The following LINS1 variants were observed in gnomAD, a reference collection of about 807,000 sequenced individuals.
LINS1 encodes lines homolog 1.
Under a neutral mutation model 41.6 loss-of-function variants are expected in LINS1, and 27 were observed. The observed-to-expected ratio is 0.65, with a 90% CI of 0.48 to 0.89. The LOEUF is 0.89. LINS1 is among the 40% of genes least tolerant of loss of function. The probability of loss-of-function intolerance (pLI) is 0.00; values close to 1 mark genes in which losing one functional copy is unlikely to be tolerated. For missense variants in LINS1, 955 were observed against 884.1 expected, an observed-to-expected ratio of 1.08 and a Z score of -1.02; for synonymous variants, 336 against 312.9, an observed-to-expected ratio of 1.07 and a Z score of -0.78.
At chr15:100,585,353 T>C (rs940251640) in intron 1 of LINS1, among the ~76,000 whole-genome samples, 1 of 152,130 alleles carries the variant, frequency 6.6e-6, no homozygotes, top group Non-Finnish European at 1.5e-5. Context: ...CCAATATTGT[T>C]TGGAATCTGG....
chr15:100,570,033 A>G lies in LINS1; in HGVS notation c.1479T>C (p.Cys493=), dbSNP rs144513217. The G allele has an allele frequency of 3.3e-4, 510 of 1,557,222 alleles. 3 individuals carry two copies. In the Middle Eastern group the frequency reaches 3.4e-3, roughly 11 times the overall value. ...HTHENGYNPH[C]IFLFFLKNIG... is the part of the protein sequence containing the mutation. ...TATTTTTCAAGAAGAACAAGAAAATACAGTGAGGATTATAGCCATTTTCAT... is the reference window on the plus strand; with the variant it reads ...TATTTTTCAAGAAGAACAAGAAAATGCAGTGAGGATTATAGCCATTTTCAT... The change falls in exon 7 of 7, where the codon TGT becomes TGC. Residue 493 remains cysteine (C), a synonymous_variant. Coordinates refer to ENST00000314742, the MANE Select transcript of LINS1 (RefSeq NM_001040616.3).
intron 6 of LINS1, among the ~76,000 whole-genome samples, chr15:100,571,275 A>G (rs2037809082): frequency 6.6e-6 from 1 of 152,206 alleles, no homozygotes; most frequent in South Asian, 2.1e-4. Context: ...TGAGGGTTTT[A>G]ATAAAGCAGA....
intron 1 of LINS1, among the ~76,000 whole-genome samples, chr15:100,590,443 C>T (rs2038984330): frequency 6.6e-6 from 1 of 152,040 alleles, no homozygotes; most frequent in African/African-American, 2.4e-5. Context: ...ACCCATATCC[C>T]AAGTTAAAGA....
intron 1 of LINS1, among the ~76,000 whole-genome samples, chr15:100,600,040 TGGGCGACA>T (rs1271853813): frequency 6.6e-6 from 1 of 152,176 alleles, no homozygotes; most frequent in African/African-American, 2.4e-5. Flanking sequence ...TACTCCAGCC[TGGGCGACA>T]GAGGGAGACT....
intron 4 of LINS1, among the ~76,000 whole-genome samples, chr15:100,574,665 G>A (rs1408920083): frequency 6.6e-6 from 1 of 152,178 alleles, no homozygotes; most frequent in Admixed American, 6.5e-5. Flanking sequence ...CCAAGATCAT[G>A]CCATTGCACT....
chr15:100,597,189 C>G (rs546333490), intron 1 of LINS1, among the ~76,000 whole-genome samples: 50 of 152,118 alleles, frequency 3.3e-4, no homozygotes, highest in African/African-American at 1.2e-3. Context: ...TGCAGAGAAG[C>G]GAAGAACCTG....
At chr15:100,582,403 T>C (rs1199355102) in intron 1 of LINS1, among the ~76,000 whole-genome samples, 1 of 134,290 alleles carries the variant, frequency 7.4e-6, no homozygotes, top group Non-Finnish European at 1.6e-5. Context: ...CCATCTACAC[T>C]ATGGCCCACT....
chr15:100,600,551 C>CAAAAAAAAAAAA lies in LINS1; in HGVS notation c.-104+1558_-104+1569dup, dbSNP rs56911211. Among the ~76,000 whole-genome samples the CAAAAAAAAAAAA allele has an allele frequency of 5.5e-3, 440 of 79,632 alleles. 100 individuals carry two copies. The highest frequency in any genetic ancestry group is 8.9e-3 in the African/African-American group (134 of 15,000). The allele number at this position is 79,632 out of a possible 152,430, so 52.2% of individuals were successfully genotyped here. On this transcript the variant is annotated intron_variant, in intron 1 of 6. Coordinates refer to ENST00000314742, the MANE Select transcript of LINS1 (RefSeq NM_001040616.3). Reference sequence around the variant, plus strand: ...TTTACATTGGAGTCCTGCTGTTAAGCAAAAAAAAAAAAAAAAAAAACAGGG... The same window carrying CAAAAAAAAAAAA: ...TTTACATTGGAGTCCTGCTGTTAAGCAAAAAAAAAAAAAAAAAAAAAAAAAAAAAAAACAGGG...
intron 1 of LINS1, among the ~76,000 whole-genome samples, chr15:100,584,974 A>G (rs1314087727): frequency 5.9e-5 from 9 of 152,252 alleles, no homozygotes; most frequent in Admixed American, 6.5e-5. Flanking sequence ...GCTAAGGACA[A>G]AAGAAGCCCA....
intron 1 of LINS1, among the ~76,000 whole-genome samples, chr15:100,588,882 C>T (rs981327348): frequency 1.3e-5 from 2 of 152,146 alleles, no homozygotes; most frequent in Admixed American, 6.5e-5. Flanking sequence ...AGAATTTATG[C>T]AAGAAATGTT....
intron 1 of LINS1, among the ~76,000 whole-genome samples, chr15:100,583,051 C>G (rs981113244): frequency 1.1e-4 from 17 of 151,996 alleles, no homozygotes; most frequent in African/African-American, 4.1e-4. Flanking sequence ...CCAGCCTAGT[C>G]TTGGTCTTAC....
intron 1 of LINS1, among the ~76,000 whole-genome samples, chr15:100,592,937 A>G (rs1160830092): frequency 6.6e-6 from 1 of 152,232 alleles, no homozygotes; most frequent in African/African-American, 2.4e-5. Context: ...TGAAAACTGT[A>G]GTTTGTATGT....
chr15:100,601,189 G>T (rs1451203876), intron 1 of LINS1, among the ~76,000 whole-genome samples: 1 of 152,116 alleles, frequency 6.6e-6, no homozygotes, highest in African/African-American at 2.4e-5. Context: ...TTTCCTATCT[G>T]TCTTAGTCCG....
In LINS1 at chr15:100,569,362, T is replaced by G; in HGVS notation, c.2150A>C (p.Gln717Pro). ...GIFYRIVKCF[Q>P]ELQDAICRLQ... ...ACGGCAGATGGCATCTTGTAGTTCC[T>G]GGAAGCATTTTACTATTCTGTAAAA... is the stretch of plus-strand genomic sequence containing the variant. Residue 717 changes from glutamine (Q) to proline (P), a missense_variant, in exon 7 of 7, where the codon CAG becomes CCG. Transcript: ENST00000314742. The G allele has an allele frequency of 6.2e-7, 1 of 1,614,202 alleles. No individual in the cohort carries two copies. The highest frequency in any genetic ancestry group is 8.5e-7 in the Non-Finnish European group (1 of 1,180,038).
chr15:100,576,961 G>A (rs927746036), intron 3 of LINS1, among the ~76,000 whole-genome samples: 1 of 152,150 alleles, frequency 6.6e-6, no homozygotes, highest in South Asian at 2.1e-4. Context: ...AAAGGCCTTT[G>A]ACAAAATTCA....
At chr15:100,600,790 A>C (rs970004936) in intron 1 of LINS1, among the ~76,000 whole-genome samples, 1 of 152,040 alleles carries the variant, frequency 6.6e-6, no homozygotes, top group Non-Finnish European at 1.5e-5. Context: ...CTGCACTTCT[A>C]CTCTGGACAA....
At chr15:100,582,001 A>G (rs1489633795) in intron 1 of LINS1, among the ~76,000 whole-genome samples, 1 of 152,244 alleles carries the variant, frequency 6.6e-6, no homozygotes, top group African/African-American at 2.4e-5. Context: ...CTTTAACAAA[A>G]TTACAGACTT....
intron 3 of LINS1, among the ~76,000 whole-genome samples, chr15:100,578,235 A>G (rs78970375): frequency 0.85 from 128,844 of 151,446 alleles, 55,623 homozygotes; most frequent in Non-Finnish European, 0.91. Flanking sequence ...GAGTGAACAG[A>G]CAACCTACAA....
chr15:100,570,244 A>G (rs2037749917), intron 6 of LINS1, 127 bp from the exon 7 acceptor site: 2 of 761,030 alleles, frequency 2.6e-6, no homozygotes, highest in Non-Finnish European at 2.0e-6. Flanking sequence ...TCACTTCTTA[A>G]AAGAAAAAAT....
Sources: gnomAD v4.1 joint callset for allele counts (sites outside exome capture counted in the v4.1 genomes callset) on GRCh38, gnomAD v4.1.1 for gene constraint, MANE v1.5 for transcripts, NCBI Gene and HGNC (gene_info 2026-07-23, HGNC 2026-07-21) for gene names.